Variants in ROR1 observed in about 807,000 individuals in gnomAD.
The protein encoded by ROR1 is inactive tyrosine-protein kinase transmembrane receptor ROR1.
In ROR1, 19 loss-of-function variants were observed where a neutral mutation model predicts 78.8. That is an observed-to-expected ratio of 0.24 (90% CI 0.17 to 0.35). ROR1 has a LOEUF of 0.35. Ranked by LOEUF, ROR1 falls within the 10% of genes least tolerant of loss-of-function variation. ROR1 has a pLI of 1.00. For synonymous variants in ROR1, 386 were observed against 433.6 expected (o/e 0.89, Z 1.36); for missense variants, 917 against 1,177.8 (o/e 0.78, Z 3.24).
intron 1 of ROR1, among the ~76,000 whole-genome samples, chr1:64,001,089 C>G (rs1049904464): frequency 1.3e-5 from 2 of 152,120 alleles, no homozygotes; most frequent in African/African-American, 4.8e-5. Flanking sequence ...TGGAAACCAC[C>G]AAATGTTTGC....
At chr1:64,134,385 G>A (rs994091913) in intron 4 of ROR1, among the ~76,000 whole-genome samples, 3 of 152,150 alleles carry the variant, frequency 2.0e-5, no homozygotes, top group Non-Finnish European at 4.4e-5. Context: ...AACAACATGG[G>A]ATAGTGGCCT....
chr1:63,991,081 G>C (rs925101365), intron 1 of ROR1, among the ~76,000 whole-genome samples: 4 of 142,492 alleles, frequency 2.8e-5, no homozygotes, highest in African/African-American at 9.9e-5. Context: ...ACCATGCCAG[G>C]GTTTTTTGTT....
intron 2 of ROR1, among the ~76,000 whole-genome samples, chr1:64,029,763 A>C (rs1569578146): frequency 6.6e-6 from 1 of 152,152 alleles, no homozygotes; most frequent in Non-Finnish European, 1.5e-5. Context: ...CCTGTCTCCA[A>C]ATACAGTCAC....
At chr1:64,077,257 G>A (rs937883723) in intron 4 of ROR1, among the ~76,000 whole-genome samples, 1 of 152,208 alleles carries the variant, frequency 6.6e-6, no homozygotes, top group Admixed American at 6.5e-5. Context: ...AAAGGTTGGA[G>A]CATGGCTCTT....
intron 4 of ROR1, among the ~76,000 whole-genome samples, chr1:64,099,069 G>A (rs1174530280): frequency 6.6e-6 from 1 of 152,184 alleles, no homozygotes; most frequent in East Asian, 1.9e-4. Flanking sequence ...TTGTGTTCTC[G>A]CAGGCCTTCT....
chr1:64,034,096 T>C (rs957938145), intron 2 of ROR1, among the ~76,000 whole-genome samples: 11 of 152,222 alleles, frequency 7.2e-5, no homozygotes, highest in Non-Finnish European at 1.5e-4. Context: ...CTTCTAATTT[T>C]ACCCTGAAAT....
chr1:63,798,982 A>G (rs965612189), intron 1 of ROR1, among the ~76,000 whole-genome samples: 24 of 152,306 alleles, frequency 1.6e-4, no homozygotes, highest in African/African-American at 5.8e-4. Flanking sequence ...TTTCCCTGCT[A>G]GTAACCTCTT....
chr1:63,848,664 A>G (rs1297752242), intron 1 of ROR1, among the ~76,000 whole-genome samples: 1 of 152,178 alleles, frequency 6.6e-6, no homozygotes, highest in Non-Finnish European at 1.5e-5. Context: ...TGTGCCATGC[A>G]TCTTATTTTG....
intron 4 of ROR1, among the ~76,000 whole-genome samples, chr1:64,061,225 C>A (rs1415638636): frequency 6.6e-6 from 1 of 152,186 alleles, no homozygotes; most frequent in Admixed American, 6.5e-5. Context: ...ATTTGTTCAA[C>A]ACATTTTTAC....
chr1:63,865,789 G>A (rs773615957), intron 1 of ROR1, among the ~76,000 whole-genome samples: 1 of 152,154 alleles, frequency 6.6e-6, no homozygotes, highest in Non-Finnish European at 1.5e-5. Flanking sequence ...TGTACATAGC[G>A]CTTGTGACTG....
chr1:63,853,827 C>T (rs1459086074), intron 1 of ROR1, among the ~76,000 whole-genome samples: 3 of 152,198 alleles, frequency 2.0e-5, no homozygotes, highest in Non-Finnish European at 2.9e-5. Context: ...GATCATTCCA[C>T]ATCCAAATAT....
intron 4 of ROR1, among the ~76,000 whole-genome samples, chr1:64,128,612 C>T (rs981568441): frequency 3.3e-5 from 5 of 152,102 alleles, no homozygotes; most frequent in South Asian, 2.1e-4. Flanking sequence ...ACTTATTGAA[C>T]GTTTATTTAT....
At chr1:63,905,528 GT>G (rs1645521141) in intron 1 of ROR1, among the ~76,000 whole-genome samples, 1 of 152,128 alleles carries the variant, frequency 6.6e-6, no homozygotes, top group African/African-American at 2.4e-5. Flanking sequence ...GGGTATACAA[GT>G]TTATATTAAT....
intron 1 of ROR1, among the ~76,000 whole-genome samples, chr1:63,945,489 A>G (rs747179054): frequency 6.6e-6 from 1 of 152,134 alleles, no homozygotes; most frequent in Non-Finnish European, 1.5e-5. Context: ...TTTGAAAAAC[A>G]CTGATGAAGA....
At chr1:64,003,608 A>T (rs1363665666) in intron 1 of ROR1, among the ~76,000 whole-genome samples, 12 of 152,278 alleles carry the variant, frequency 7.9e-5, no homozygotes, top group African/African-American at 2.9e-4. Context: ...CCGAGTCCCT[A>T]GTGTGGAGAG....
chr1:63,881,820 T>A (rs1569857290), intron 1 of ROR1, among the ~76,000 whole-genome samples: 1 of 152,114 alleles, frequency 6.6e-6, no homozygotes, highest in East Asian at 1.9e-4. Context: ...TCAGATCCAA[T>A]CTATTAATTG....
At chr1:63,789,937 G>T (rs1644715727) in intron 1 of ROR1, among the ~76,000 whole-genome samples, 1 of 151,954 alleles carries the variant, frequency 6.6e-6, no homozygotes, top group African/African-American at 2.4e-5. Context: ...CCCCCTCTGT[G>T]GTCTCATAGG....
At chr1:63,856,258 G>A (rs1217852304) in intron 1 of ROR1, among the ~76,000 whole-genome samples, 1 of 152,120 alleles carries the variant, frequency 6.6e-6, no homozygotes, top group Non-Finnish European at 1.5e-5. Flanking sequence ...GAAGCAGTTT[G>A]ATCCTTTTGG....
At chr1:63,823,779 G>A (rs76458831) in intron 1 of ROR1, among the ~76,000 whole-genome samples, 1 of 139,622 alleles carries the variant, frequency 7.2e-6, no homozygotes, top group East Asian at 2.1e-4. Context: ...TTTTTTTTTT[G>A]AGACGAAGTC....
Sources: allele counts gnomAD v4.1 joint callset (sites outside exome capture counted in the v4.1 genomes callset), GRCh38; gene constraint gnomAD v4.1.1; transcripts MANE v1.5; gene names NCBI Gene and HGNC (gene_info 2026-07-23, HGNC 2026-07-21).